The following SNAPC2 variants were observed in gnomAD, a reference collection of about 807,000 sequenced individuals.
SNAPC2 encodes small nuclear RNA activating complex polypeptide 2.
A neutral mutation model predicts 22.9 loss-of-function variants in SNAPC2; 27 were observed. The ratio of observed to expected loss-of-function variants is 1.18; its 90% CI spans 0.87 to 1.63. The LOEUF (loss-of-function observed/expected upper bound fraction) is 1.63. Among genes scored for constraint, SNAPC2 ranks in the 40% most tolerant of loss-of-function variants. The probability of loss-of-function intolerance (pLI) is 0.00; values close to 1 mark genes in which losing one functional copy is unlikely to be tolerated. For synonymous variants in SNAPC2, 272 were observed against 201.0 expected (o/e 1.35, Z -2.99); for missense variants, 570 against 449.1 (o/e 1.27, Z -2.43).
At chr19:7,921,229 C>T in intron 1 of SNAPC2, 194 bp from the exon 2 acceptor site, 1 of 1,412,438 alleles carries the variant, frequency 7.1e-7, no homozygotes. Flanking sequence ...CTGGGCCTTA[C>T]AACTTCCTTA....
intron 1 of SNAPC2, chr19:7,920,937 C>A: frequency 2.1e-6 from 2 of 957,190 alleles, no homozygotes; most frequent in Non-Finnish European, 2.4e-6. Context: ...AGGGCGGGGC[C>A]GTTTTGGGAG....
chr19:7,922,545 C>T lies in SNAPC2; in HGVS notation c.786C>T (p.Arg262=), dbSNP rs889834490. ...AGCATATGACGGAGACGTACCTACG[C>T]CTGACAGCCCCCCAGCCCATTCCCG... is the stretch of plus-strand genomic sequence containing the variant. ...LVEHMTETYL[R]LTAPQPIPAG... Residue 262 remains arginine (R), a synonymous_variant, in exon 5 of 5, where the codon CGC becomes CGT. Transcript: ENST00000221573. 6.2e-7 allele frequency: 1 copy of T among 1,613,270 alleles called. No individual in the cohort carries two copies. Among genetic ancestry groups the T allele is most frequent in the Non-Finnish European group, 8.5e-7 (1 of 1,179,660 alleles).
chr19:7,921,315 C>T, intron 1 of SNAPC2, 108 bp from the exon 2 acceptor site: 4 of 1,563,090 alleles, frequency 2.6e-6, no homozygotes, highest in Non-Finnish European at 3.5e-6. Context: ...CAGCAGGAGA[C>T]TAAGGCGCAG....
chr19:7,920,865 G>A, intron 1 of SNAPC2: 1 of 876,494 alleles, frequency 1.1e-6, no homozygotes, highest in Non-Finnish European at 1.5e-6. Context: ...GAGTGGGTGG[G>A]TGAGTTTGAG....
rs1983646827 is a variant in SNAPC2, at chr19:7,923,037, A to G, written c.*273A>G. The stretch of plus-strand genomic sequence containing the variant: ...CAGGGCTGGCCTCCCCCAGTCCCCA[A>G]GCCCCACTGTGCCTTGTTGTCTGCT... On this transcript the variant is annotated 3_prime_UTR_variant, in exon 5 of 5. Coordinates refer to ENST00000221573, the MANE Select transcript of SNAPC2 (RefSeq NM_003083.4). The G allele has an allele frequency of 2.3e-6, 1 of 429,716 alleles. No individual in the cohort carries two copies. Among genetic ancestry groups the G allele is most frequent in the Admixed American group, 4.2e-5 (1 of 24,090 alleles). 26.6% of individuals were successfully genotyped at this position (429,716 alleles called of 1,614,324 possible). A position where few individuals can be genotyped will look rare whatever the true frequency, so the allele number is the denominator to read the frequency against.
chr19:7,922,600 G>T lies in SNAPC2; in HGVS notation c.841G>T (p.Gly281Trp), dbSNP rs1190362252. ...AGGGAGCCTGGGGCCTGCAGCAGAAGGGGATGGGGCTGGCTCCAAGGCACC... is the reference window on the plus strand; with the variant it reads ...AGGGAGCCTGGGGCCTGCAGCAGAATGGGATGGGGCTGGCTCCAAGGCACC... ...AGGSLGPAAE[G>W]DGAGSKAPEE... The change falls in exon 5 of 5, where the codon GGG (glycine) becomes TGG (tryptophan). Residue 281 changes from glycine to tryptophan, a missense_variant. Transcript: ENST00000221573. 6.2e-7 allele frequency: 1 copy of T among 1,613,658 alleles called. No individual in the cohort carries two copies.
At position 7,921,904 on chromosome 19, in the gene SNAPC2, C is replaced by G. The variant is rs530686592; in HGVS notation, c.372+131C>G. On this transcript the variant is annotated intron_variant, in intron 3 of 4. Coordinates refer to ENST00000221573, the MANE Select transcript of SNAPC2 (RefSeq NM_003083.4). The stretch of plus-strand genomic sequence containing the variant: ...CCGTCAGTCACTGGACACCTCGAGC[C>G]TCAGTGTCCCTGGCTCTGAGGCCAT... 11 of 1,367,968 alleles carry G rather than the reference C, an allele frequency of 8.0e-6. No homozygotes were observed. In the South Asian group the frequency reaches 1.3e-4, roughly 16 times the overall value. The allele number at this position is 1,367,968 out of a possible 1,614,324, so 84.7% of individuals were successfully genotyped here.
At position 7,923,004 on chromosome 19, in the gene SNAPC2, C is replaced by G; in HGVS notation, c.*240C>G. The G allele has an allele frequency of 2.1e-6, 1 of 482,120 alleles. No homozygotes were observed. The highest frequency in any genetic ancestry group is 3.7e-6 in the Non-Finnish European group (1 of 273,048). 29.9% of individuals were successfully genotyped at this position (482,120 alleles called of 1,614,324 possible). On this transcript the variant is annotated 3_prime_UTR_variant, in exon 5 of 5. Transcript: ENST00000221573. Reference sequence around the variant, plus strand: ...CTCACAAGCCTCCTGATGTCAAGGACAGGCGGACAGGGCTGGCCTCCCCCA... The same window carrying G: ...CTCACAAGCCTCCTGATGTCAAGGAGAGGCGGACAGGGCTGGCCTCCCCCA...
chr19:7,921,288 G>A (rs1343020775), intron 1 of SNAPC2, 135 bp from the exon 2 acceptor site: 2 of 1,485,028 alleles, frequency 1.3e-6, no homozygotes, highest in African/African-American at 2.8e-5. Context: ...CAGTCACTGG[G>A]ACTCCTAACA....
chr19:7,922,593 A>T lies in SNAPC2; in HGVS notation c.834A>T (p.Ala278=), dbSNP rs576909247. ...CCGCTGGAGGGAGCCTGGGGCCTGC[A>T]GCAGAAGGGGATGGGGCTGGCTCCA... ...PIPAGGSLGP[A]AEGDGAGSKA... is the part of the protein sequence containing the mutation. The change falls in exon 5 of 5, where the codon GCA becomes GCT. Residue 278 remains alanine (A), a synonymous_variant. Coordinates refer to ENST00000221573, the MANE Select transcript of SNAPC2 (RefSeq NM_003083.4). 1 of 1,613,590 alleles carries T rather than the reference A, an allele frequency of 6.2e-7. No individual in the cohort carries two copies. Among genetic ancestry groups the T allele is most frequent in the Non-Finnish European group, 8.5e-7 (1 of 1,179,904 alleles).
intron 1 of SNAPC2, 69 bp downstream of exon 1, chr19:7,920,618 G>T: frequency 1.2e-6 from 1 of 829,342 alleles, no homozygotes; most frequent in Non-Finnish European, 1.7e-6. Flanking sequence ...GAGTGGGCGG[G>T]GCTGCGGCAG....
rs944456466 is a variant in SNAPC2 at position 7,921,773 on chromosome 19, G to A, written c.372G>A (p.Gln124=). The A allele has an allele frequency of 1.9e-6, 3 of 1,612,358 alleles. No individual in the cohort carries two copies. Among genetic ancestry groups the A allele is most frequent in the Non-Finnish European group, 2.5e-6 (3 of 1,179,092 alleles). ...LEEALAVAFS[Q]VLTIAATEPV... is the part of the protein sequence containing the mutation. ...AAGCCCTGGCAGTGGCTTTCTCGCA[G>A]GTACCGCCATTCCCCCAGGCAGGTC... is the stretch of plus-strand genomic sequence containing the variant. The change falls in exon 3 of 5, where the codon CAG becomes CAA. Residue 124 remains glutamine, a splice_region_variant and synonymous_variant. Coordinates refer to ENST00000221573, the MANE Select transcript of SNAPC2 (RefSeq NM_003083.4).
At chr19:7,920,987 T>G in intron 1 of SNAPC2, 1 of 1,122,284 alleles carries the variant, frequency 8.9e-7, no homozygotes, top group East Asian at 6.6e-5. Flanking sequence ...AGGGCAAGCT[T>G]TAAAGGCGGG....
Position 7,922,908 on chromosome 19 carries a change from C to G in SNAPC2, c.*144C>G, listed in dbSNP as rs1371905648. Reference sequence around the variant, plus strand: ...AGCTGTGGGGCGGGCCTCTAAGATGCCCCATACTTTGGGGGTCTCAGAAAT... The same window carrying G: ...AGCTGTGGGGCGGGCCTCTAAGATGGCCCATACTTTGGGGGTCTCAGAAAT... On this transcript the variant is annotated 3_prime_UTR_variant, in exon 5 of 5. Transcript: ENST00000221573. The G allele has an allele frequency of 1.5e-6, 1 of 662,610 alleles. No individual in the cohort carries two copies. The highest frequency in any genetic ancestry group is 3.1e-5 in the Admixed American group (1 of 32,634). The allele number at this position is 662,610 out of a possible 1,614,324, so 41.0% of individuals were successfully genotyped here.
chr19:7,921,192 T>C (rs184660917), intron 1 of SNAPC2: 9 of 1,420,790 alleles, frequency 6.3e-6, no homozygotes, highest in Non-Finnish European at 8.3e-6. Context: ...GGTTGGGCCC[T>C]GGCTGCGTGA....
chr19:7,922,663 A>C lies in SNAPC2; in HGVS notation c.904A>C (p.Ser302Arg). 6.2e-7 allele frequency: 1 copy of C among 1,613,336 alleles called. No homozygotes were observed. Among genetic ancestry groups the C allele is most frequent in the Non-Finnish European group, 8.5e-7 (1 of 1,179,902 alleles). The change falls in exon 5 of 5, where the codon AGC (serine) becomes CGC (arginine). Residue 302 changes from serine (S) to arginine (R), a missense_variant. Physicochemically the swap from Ser to Arg is moderately radical, Grantham distance 110. Transcript: ENST00000221573. Reference sequence around the variant, plus strand: ...CCCAGCCACCGAGAAGGCCGAGCACAGCGAACTGAAATCGCCTTGGCAAGC... The same window carrying C: ...CCCAGCCACCGAGAAGGCCGAGCACCGCGAACTGAAATCGCCTTGGCAAGC... ...TPPATEKAEH[S>R]ELKSPWQAAG... is the part of the protein sequence containing the mutation.
At chr19:7,920,988 T>C (rs1983546669) in intron 1 of SNAPC2, 15 of 1,121,858 alleles carry the variant, frequency 1.3e-5, no homozygotes, top group Admixed American at 9.4e-5. Context: ...GGGCAAGCTT[T>C]AAAGGCGGGG....
chr19:7,922,832 T>C lies in SNAPC2; in HGVS notation c.*68T>C, dbSNP rs1599641728. 1.6e-6 allele frequency: 2 copies of C among 1,276,208 alleles called. No individual in the cohort carries two copies. The highest frequency in any genetic ancestry group is 2.3e-5 in the Admixed American group (1 of 43,466). 79.1% of individuals were successfully genotyped at this position (1,276,208 alleles called of 1,614,324 possible). A position where few individuals can be genotyped will look rare whatever the true frequency, so the allele number is the denominator to read the frequency against. On this transcript the variant is annotated 3_prime_UTR_variant, in exon 5 of 5. Transcript: ENST00000221573. The stretch of plus-strand genomic sequence containing the variant: ...CCCCTCGGTTCTGCTCGGCTGGCCC[T>C]GGCTCTTTCTGAGGATCCCGTCATG...
At chr19:7,920,869 G>C in intron 1 of SNAPC2, 1 of 863,910 alleles carries the variant, frequency 1.2e-6, no homozygotes. Context: ...GGGTGGGTGA[G>C]TTTGAGGGGC....
Sources: allele counts gnomAD v4.1 joint callset, GRCh38; gene constraint gnomAD v4.1.1; transcripts MANE v1.5; gene names NCBI Gene and HGNC (gene_info 2026-07-23, HGNC 2026-07-21).